The following ELP4 variants were observed in gnomAD, a reference collection of about 807,000 sequenced individuals.
ELP4 encodes elongator complex protein 4.
ELP4 carries 51 observed loss-of-function variants against 48.9 expected under a neutral mutation model. That is an observed-to-expected ratio of 1.04 (90% CI 0.83 to 1.32). The LOEUF is 1.32. Ranked by LOEUF, ELP4 falls within the 40% of genes most tolerant of loss-of-function variation. The pLI is 0.00. For missense variants in ELP4, 519 were observed against 514.6 expected (o/e 1.01, Z -0.08); for synonymous variants, 210 against 189.2 (o/e 1.11, Z -0.90).
chr11:31,691,217 A>AT (rs1267105154), intron 9 of ELP4, among the ~76,000 whole-genome samples: 4 of 151,762 alleles, frequency 2.6e-5, no homozygotes, highest in South Asian at 2.1e-4. Flanking sequence ...CAAGTACTTA[A>AT]TTTTTTTTTA....
chr11:31,705,460 GTACTT>G (rs1946611195), intron 9 of ELP4, among the ~76,000 whole-genome samples: 1 of 152,146 alleles, frequency 6.6e-6, no homozygotes, highest in South Asian at 2.1e-4. Flanking sequence ...CCATATAAAT[GTACTT>G]ATGTTTAATT....
intron 7 of ELP4, among the ~76,000 whole-genome samples, chr11:31,638,623 A>G (rs551152320): frequency 6.6e-6 from 1 of 152,004 alleles, no homozygotes; most frequent in Admixed American, 6.6e-5. Flanking sequence ...TGTTATTTTA[A>G]TTGATGTGTT....
At chr11:31,623,354 A>AATATATAT (rs779632233) in intron 5 of ELP4, among the ~76,000 whole-genome samples, 87 of 9,230 alleles carry the variant, frequency 9.4e-3, no homozygotes, top group Non-Finnish European at 0.012. Flanking sequence ...ATTTTCAGCA[A>AATATATAT]ATATATATAT....
chr11:31,726,849 T>C (rs559860765), intron 9 of ELP4, among the ~76,000 whole-genome samples: 76 of 152,330 alleles, frequency 5.0e-4, no homozygotes, highest in African/African-American at 1.7e-3. Context: ...ATGTATTGGT[T>C]TGCATGTTAA....
chr11:31,728,801 G>A (rs1947128246), intron 9 of ELP4, among the ~76,000 whole-genome samples: 1 of 152,132 alleles, frequency 6.6e-6, no homozygotes, highest in African/African-American at 2.4e-5. Flanking sequence ...TTTCCTTAGT[G>A]TTCATGTGTA....
intron 4 of ELP4, among the ~76,000 whole-genome samples, chr11:31,597,238 C>G (rs1957684770): frequency 6.6e-6 from 1 of 152,116 alleles, no homozygotes; most frequent in Non-Finnish European, 1.5e-5. Context: ...GCCTAAATGT[C>G]TATCAGTAAG....
At chr11:31,744,926 A>G (rs1285302419) in intron 9 of ELP4, among the ~76,000 whole-genome samples, 2 of 152,184 alleles carry the variant, frequency 1.3e-5, no homozygotes, top group African/African-American at 4.8e-5. Context: ...AGGGTATTCA[A>G]TTAGGAAAAG....
At chr11:31,534,430 A>G (rs560122836) in intron 2 of ELP4, among the ~76,000 whole-genome samples, 2 of 152,244 alleles carry the variant, frequency 1.3e-5, no homozygotes, top group South Asian at 2.1e-4. Flanking sequence ...AAGCATCCTT[A>G]TTCTTCTATA....
rs1171385588 is a variant in ELP4 at position 31,701,758 on chromosome 11, A to G, written c.1143+51537A>G. On this transcript the variant is annotated intron_variant, in intron 9 of 9. Coordinates refer to ENST00000640961, the MANE Select transcript of ELP4 (RefSeq NM_019040.5). ...ATATATATTTTAATCTATTTTTCCA[A>G]CTTGAGCCTTGGTAAATTTTATTTT... Among the ~76,000 whole-genome samples the G allele has an allele frequency of 2.0e-5, 3 of 150,684 alleles. No homozygotes were observed. The East Asian group carries it at 5.8e-4, about 29-fold the overall frequency.
intron 9 of ELP4, among the ~76,000 whole-genome samples, chr11:31,696,937 A>G (rs1013440901): frequency 6.6e-5 from 10 of 152,164 alleles, no homozygotes; most frequent in African/African-American, 2.4e-4. Flanking sequence ...AGAGACACAC[A>G]TAGGCTCAAA....
intron 4 of ELP4, chr11:31,599,482 TACACACAC>T (rs1158380515): frequency 2.1e-5 from 2 of 94,836 alleles, no homozygotes; most frequent in African/African-American, 7.3e-5. Flanking sequence ...CTCATTTTAA[TACACACAC>T]ACACACACAC....
intron 1 of ELP4, among the ~76,000 whole-genome samples, chr11:31,519,120 C>G (rs1956168529): frequency 6.6e-6 from 1 of 152,000 alleles, no homozygotes. Context: ...CGGCCTAATT[C>G]AGATATTTAA....
intron 3 of ELP4, among the ~76,000 whole-genome samples, chr11:31,566,979 A>G (rs1378892046): frequency 6.6e-6 from 1 of 152,166 alleles, no homozygotes; most frequent in African/African-American, 2.4e-5. Flanking sequence ...TACATTTTTC[A>G]CAAGATACTG....
At chr11:31,547,229 A>G (rs1956744772) in intron 3 of ELP4, among the ~76,000 whole-genome samples, 1 of 152,218 alleles carries the variant, frequency 6.6e-6, no homozygotes, top group South Asian at 2.1e-4. Flanking sequence ...CAAAATTGAT[A>G]GACTGCTAGC....
intron 7 of ELP4, chr11:31,646,340 T>G (rs1945197750): frequency 6.6e-6 from 1 of 151,798 alleles, no homozygotes; most frequent in Non-Finnish European, 1.5e-5. Context: ...TGCTGAAACA[T>G]TCTTTATATA....
intron 7 of ELP4, among the ~76,000 whole-genome samples, chr11:31,636,606 G>A (rs942049035): frequency 6.6e-6 from 1 of 151,852 alleles, no homozygotes; most frequent in African/African-American, 2.4e-5. Context: ...TTAAAATAGG[G>A]AAAATAATGA....
intron 3 of ELP4, among the ~76,000 whole-genome samples, chr11:31,548,533 T>A (rs553939377): frequency 6.6e-6 from 1 of 152,250 alleles, no homozygotes; most frequent in Admixed American, 6.5e-5. Context: ...GTAGGAAGAA[T>A]CAATATCGTG....
intron 8 of ELP4, chr11:31,649,851 G>C (rs1945284231): frequency 3.4e-6 from 1 of 294,908 alleles, no homozygotes; most frequent in Non-Finnish European, 6.2e-6. Flanking sequence ...GTTTTGACAA[G>C]TATTAAGATC....
chr11:31,654,412 T>C (rs1221325595), intron 9 of ELP4: 1 of 151,788 alleles, frequency 6.6e-6, no homozygotes, highest in Non-Finnish European at 1.5e-5. Flanking sequence ...TAATTCAGAA[T>C]AGGACCTCAG....
Sources: gnomAD v4.1 joint callset for allele counts (sites outside exome capture counted in the v4.1 genomes callset) on GRCh38, gnomAD v4.1.1 for gene constraint, MANE v1.5 for transcripts, NCBI Gene and HGNC (gene_info 2026-07-23, HGNC 2026-07-21) for gene names.